TG: variants seen among roughly 807,000 people sequenced by gnomAD.
The protein encoded by TG is thyroglobulin.
In TG, 270 loss-of-function variants were observed where a neutral mutation model predicts 324.7. The ratio of observed to expected loss-of-function variants is 0.83; its 90% confidence interval spans 0.75 to 0.92. The LOEUF (loss-of-function observed/expected upper bound fraction) is 0.92, where lower values mean the gene tolerates loss of function less well. Among genes scored for constraint, TG ranks in the 40% least tolerant of loss-of-function variants. TG has a pLI of 0.00. For missense variants in TG, 3,591 were observed against 3,456.4 expected (o/e 1.04, Z -0.98); for synonymous variants, 1,401 against 1,327.0 (o/e 1.06, Z -1.21).
intron 41 of TG, among the ~76,000 whole-genome samples, chr8:133,030,927 G>A (rs897658251): frequency 8.5e-5 from 13 of 152,240 alleles, no homozygotes; most frequent in Non-Finnish European, 5.9e-5. Flanking sequence ...TGAACAGCTT[G>A]AGTTTTATCC....
intron 35 of TG, among the ~76,000 whole-genome samples, chr8:133,007,480 A>G (rs1180941160): frequency 6.6e-6 from 1 of 152,094 alleles, no homozygotes; most frequent in Admixed American, 6.5e-5. Context: ...AGCCAGATAA[A>G]CAAAAACTAG....
intron 35 of TG, among the ~76,000 whole-genome samples, chr8:132,996,167 T>C (rs183708837): frequency 1.3e-3 from 196 of 152,246 alleles, no homozygotes; most frequent in Admixed American, 3.7e-3. Flanking sequence ...CTCTGCATGA[T>C]AGTAATTAAG....
intron 41 of TG, among the ~76,000 whole-genome samples, chr8:133,089,406 A>G (rs1342124819): frequency 6.6e-6 from 1 of 152,186 alleles, no homozygotes; most frequent in Non-Finnish European, 1.5e-5. Flanking sequence ...AGCACTGAGA[A>G]TGCAAAGACA....
intron 41 of TG, chr8:133,044,942 G>A: frequency 6.2e-7 from 1 of 1,608,538 alleles, no homozygotes; most frequent in Non-Finnish European, 8.5e-7. Flanking sequence ...TAGCTAAGAG[G>A]GGTCCCACCA....
intron 38 of TG, among the ~76,000 whole-genome samples, chr8:133,018,331 G>A (rs1362418521): frequency 1.3e-5 from 2 of 152,142 alleles, no homozygotes; most frequent in African/African-American, 2.4e-5. Context: ...TCCAGGAAGA[G>A]AGGCTGTGAA....
At chr8:133,020,429 G>T (rs1445864682) in intron 39 of TG, among the ~76,000 whole-genome samples, 1 of 152,140 alleles carries the variant, frequency 6.6e-6, no homozygotes, top group Non-Finnish European at 1.5e-5. Flanking sequence ...TCTGTGCCTT[G>T]CCCTTGCCTC....
chr8:132,963,222 C>T lies in TG; in HGVS notation c.5548+148C>T, dbSNP rs1828023334. Reference sequence around the variant, plus strand: ...TCCTTTAATCTTTTAACCCAATTATCCAGCTCATAAATATGGGAAGCTCCT... The same window carrying T: ...TCCTTTAATCTTTTAACCCAATTATTCAGCTCATAAATATGGGAAGCTCCT... On this transcript the variant is annotated intron_variant, in intron 29 of 47. Transcript: ENST00000220616. The T allele has an allele frequency of 1.6e-5, 13 of 835,280 alleles. No individual in the cohort carries two copies. The South Asian group carries it at 1.6e-4, about 10-fold the overall frequency. The allele number at this position is 835,280 out of a possible 1,614,324, so 51.7% of individuals were successfully genotyped here.
At chr8:132,907,664 G>A (rs957128720) in intron 17 of TG, among the ~76,000 whole-genome samples, 3 of 152,248 alleles carry the variant, frequency 2.0e-5, no homozygotes, top group African/African-American at 4.8e-5. Context: ...ATAAATAATG[G>A]CCTGTCACTT....
intron 44 of TG, 24 bp from the exon 45 acceptor site, chr8:133,116,585 C>A (rs749667128): frequency 1.3e-6 from 2 of 1,596,984 alleles, no homozygotes; most frequent in Non-Finnish European, 8.6e-7. Context: ...TAACCAGACT[C>A]CCCCCATGTT....
intron 4 of TG, among the ~76,000 whole-genome samples, chr8:132,872,249 C>T (rs1045919570): frequency 3.9e-4 from 59 of 151,782 alleles, no homozygotes; most frequent in African/African-American, 3.6e-4. Context: ...GAGGCCGAGG[C>T]GGGCGGATCA....
At chr8:132,980,135 A>T (rs1339580586) in intron 34 of TG, among the ~76,000 whole-genome samples, 1 of 152,096 alleles carries the variant, frequency 6.6e-6, no homozygotes, top group East Asian at 1.9e-4. Context: ...GGATCTCTAG[A>T]GTGACAAAAG....
chr8:132,892,635 G>A (rs1442802659), intron 10 of TG, among the ~76,000 whole-genome samples: 1 of 152,166 alleles, frequency 6.6e-6, no homozygotes, highest in African/African-American at 2.4e-5. Flanking sequence ...ATGTGCTCAC[G>A]TGTGGGTGTG....
At chr8:133,058,595 G>A (rs1173772193) in intron 41 of TG, among the ~76,000 whole-genome samples, 2 of 152,182 alleles carry the variant, frequency 1.3e-5, no homozygotes, top group Admixed American at 1.3e-4. Context: ...GCCCTGCGGT[G>A]TCAGTTTTCT....
At position 132,936,662 on chromosome 8, in the gene TG, G is replaced by A. The variant is rs549096118; in HGVS notation, c.5041+798G>A. Among the ~76,000 whole-genome samples, 52 of 152,280 alleles carry A rather than the reference G, an allele frequency of 3.4e-4. 1 individual carries two copies. The highest frequency in any genetic ancestry group is 1.1e-3 in the African/African-American group (46 of 41,536). The stretch of plus-strand genomic sequence containing the variant: ...AAGTCCTCTGGGCCGCTGCTGGCAC[G>A]TGGGAGAGGCAGGAACTCTTTCCCT... On this transcript the variant is annotated intron_variant, in intron 25 of 47. Coordinates refer to ENST00000220616, the MANE Select transcript of TG (RefSeq NM_003235.5).
At chr8:133,039,179 C>T (rs1236385146) in intron 41 of TG, among the ~76,000 whole-genome samples, 2 of 152,134 alleles carry the variant, frequency 1.3e-5, no homozygotes, top group African/African-American at 2.4e-5. Flanking sequence ...GCGCCTGGCC[C>T]TAACTTACTA....
At chr8:133,128,546 G>A (rs1851712389) in intron 45 of TG, among the ~76,000 whole-genome samples, 1 of 152,128 alleles carries the variant, frequency 6.6e-6, no homozygotes, top group Non-Finnish European at 1.5e-5. Context: ...CATATGGGAG[G>A]CTGAACGGAG....
chr8:133,079,504 C>A (rs944022552), intron 41 of TG, among the ~76,000 whole-genome samples: 1 of 151,838 alleles, frequency 6.6e-6, no homozygotes, highest in Non-Finnish European at 1.5e-5. Context: ...CCAGGGGAAG[C>A]AATAAAAAGC....
chr8:132,904,889 G>A (rs1587340207), intron 16 of TG, among the ~76,000 whole-genome samples: 1 of 152,308 alleles, frequency 6.6e-6, no homozygotes, highest in Admixed American at 6.5e-5. Context: ...CATGCATCTA[G>A]CACACTGGTG....
chr8:133,095,696 A>G (rs1848296901), intron 42 of TG, among the ~76,000 whole-genome samples: 1 of 152,154 alleles, frequency 6.6e-6, no homozygotes, highest in Non-Finnish European at 1.5e-5. Flanking sequence ...TTGCAGACCA[A>G]ATCTCTGGCT....
Sources: allele counts gnomAD v4.1 joint callset (sites outside exome capture counted in the v4.1 genomes callset), GRCh38; gene constraint gnomAD v4.1.1; transcripts MANE v1.5; gene names NCBI Gene and HGNC (gene_info 2026-07-23, HGNC 2026-07-21).